The following APC variants were observed in gnomAD, a reference collection of about 807,000 sequenced individuals.
APC encodes the protein adenomatous polyposis coli protein.
APC carries 72 observed loss-of-function variants against 247.0 expected under a neutral mutation model. The ratio of observed to expected loss-of-function variants is 0.29; its 90% CI spans 0.24 to 0.35. The LOEUF is 0.35. APC is among the 10% of genes least tolerant of loss of function. The pLI, the probability that APC is intolerant of heterozygous loss-of-function variation, is 1.00. For missense variants in APC, 3,400 were observed against 3,360.7 expected (o/e 1.01, Z -0.29); for synonymous variants, 1,254 against 1,162.5 (o/e 1.08, Z -1.60).
At chr5:112,719,563 A>G (rs548713778) in intron 1 of APC, among the ~76,000 whole-genome samples, 51 of 145,774 alleles carry the variant, frequency 3.5e-4, no homozygotes, top group African/African-American at 1.0e-3. Context: ...TTTTGGAGAC[A>G]GAGTCTTACT....
chr5:112,750,784 C>T (rs937832144), intron 1 of APC, among the ~76,000 whole-genome samples: 4 of 152,066 alleles, frequency 2.6e-5, no homozygotes, highest in African/African-American at 4.8e-5. Context: ...AGAGGGTGTA[C>T]ACCATTTAAA....
In APC at chr5:112,844,035, A is replaced by G. The variant is rs878853477; in HGVS notation, c.8441A>G (p.Lys2814Arg). The G allele has an allele frequency of 3.7e-6, 6 of 1,602,886 alleles. No homozygotes were observed. The highest frequency in any genetic ancestry group is 5.1e-6 in the Non-Finnish European group (6 of 1,177,098). The change falls in exon 16 of 16, where the codon AAG becomes AGG. Residue 2814 changes from lysine to arginine, a missense_variant. By Grantham distance (26) the Lys-to-Arg change is conservative (BLOSUM62 2). This residue lies in a region of APC where 1,788 missense variants were observed against 1,649.5 expected (regional missense o/e 1.08). Transcript: ENST00000257430. ...CCAACTCCAGTGAATAACAACACAA[A>G]GAAGCGAGATTCCAAAACTGACAGC... ...QIPTPVNNNT[K>R]KRDSKTDSTE...
rs71590728 is a variant in APC at position 112,818,847 on chromosome 5, C to CG, written c.934-111dup. ...TTCCGGTTTTTTGTTTTTTTTTTGG[C>CG]GGGGGGGGTTGTTTTGTTTTTTTAG... is the stretch of plus-strand genomic sequence containing the variant. On this transcript the variant is annotated intron_variant, in intron 9 of 15. Coordinates refer to ENST00000257430, the MANE Select transcript of APC (RefSeq NM_000038.6). 0.35 allele frequency: 230,713 copies of CG among 667,270 alleles called. 52,819 individuals carry two copies. Among genetic ancestry groups the CG allele is most frequent in the East Asian group, 0.62 (15,830 of 25,350 alleles). The allele number at this position is 667,270 out of a possible 1,614,324, so 41.3% of individuals were successfully genotyped here.
chr5:112,835,294 AACT>A (rs1333407695), intron 15 of APC, 129 bp downstream of exon 15: 1 of 808,834 alleles, frequency 1.2e-6, no homozygotes, highest in Non-Finnish European at 2.0e-6. Context: ...GTGAAAAGAT[AACT>A]ACTAACTCTT....
At chr5:112,732,418 C>T (rs1220025440) in intron 1 of APC, among the ~76,000 whole-genome samples, 3 of 152,138 alleles carry the variant, frequency 2.0e-5, no homozygotes, top group African/African-American at 7.2e-5. Context: ...GAAACTTAGT[C>T]CCGTGGCTGC....
At chr5:112,771,830 C>G (rs1757084330) in intron 4 of APC, among the ~76,000 whole-genome samples, 1 of 151,944 alleles carries the variant, frequency 6.6e-6, no homozygotes, top group African/African-American at 2.4e-5. Context: ...TAGTTTATAT[C>G]TTCTTCCTTT....
intron 1 of APC, chr5:112,707,914 C>G (rs1427801912): frequency 3.0e-6 from 4 of 1,338,168 alleles, no homozygotes; most frequent in Non-Finnish European, 2.9e-6. Context: ...GACGTCTCCT[C>G]CCGGCAAAGC....
chr5:112,841,569 C>T lies in APC; in HGVS notation c.5975C>T (p.Pro1992Leu), dbSNP rs1580666303. Residue 1992 changes from proline to leucine, a missense_variant, in exon 16 of 16, where the codon CCC becomes CTC. Transcript: ENST00000257430. This position sits in a 1 kb window ranked among gnomAD's most constrained non-coding sequence, Gnocchi z 4.6. ...KENEPIKETEPPDSQGEPSKP... is the reference protein window; with the variant it reads ...KENEPIKETELPDSQGEPSKP... ...AATGAACCTATCAAAGAGACTGAGC[C>T]CCCTGACTCACAGGGAGAACCAAGT... 1 of 1,613,898 alleles carries T rather than the reference C, an allele frequency of 6.2e-7. No homozygotes were observed. The highest frequency in any genetic ancestry group is 8.5e-7 in the Non-Finnish European group (1 of 1,179,844).
Position 112,840,080 on chromosome 5 carries a change from A to C in APC, c.4486A>C (p.Thr1496Pro). ...DTLLHFATES[T>P]PDGFSCSSSL... ...TTTATTACATTTTGCCACGGAAAGT[A>C]CTCCAGATGGATTTTCTTGTTCATC... Residue 1496 changes from threonine (T) to proline (P), a missense_variant, in exon 16 of 16, where the codon ACT becomes CCT. Around this residue, in one of 9 missense-constraint regions of APC, gnomAD observed 1,788 missense variants for 1,649.5 expected, o/e 1.08. Coordinates refer to ENST00000257430, the MANE Select transcript of APC (RefSeq NM_000038.6). The surrounding 1 kb of genome is among the most constrained non-coding windows in gnomAD (Gnocchi z 4.1). 1 of 1,614,120 alleles carries C rather than the reference A, an allele frequency of 6.2e-7. No individual in the cohort carries two copies. The highest frequency in any genetic ancestry group is 8.5e-7 in the Non-Finnish European group (1 of 1,180,014).
chr5:112,793,613 G>A (rs549450929), intron 7 of APC, among the ~76,000 whole-genome samples: 2 of 152,202 alleles, frequency 1.3e-5, no homozygotes, highest in Admixed American at 6.5e-5. Flanking sequence ...TAGATAGCCC[G>A]CTCTTAAATA....
intron 1 of APC, among the ~76,000 whole-genome samples, chr5:112,743,402 A>G (rs1753266799): frequency 6.7e-6 from 1 of 148,764 alleles, no homozygotes; most frequent in African/African-American, 2.5e-5. Flanking sequence ...ATACACAGGC[A>G]TACTCATCTG....
chr5:112,748,068 A>T (rs1204549488), intron 1 of APC, among the ~76,000 whole-genome samples: 1 of 152,138 alleles, frequency 6.6e-6, no homozygotes, highest in Admixed American at 6.5e-5. Flanking sequence ...GCCTTATAAT[A>T]TTTATTATCT....
intron 11 of APC, among the ~76,000 whole-genome samples, chr5:112,825,544 C>T (rs1763560272): frequency 1.3e-5 from 2 of 152,268 alleles, no homozygotes; most frequent in African/African-American, 4.8e-5. Flanking sequence ...CTTCCTGCCC[C>T]ACCCTTGTTA....
In APC at chr5:112,781,168, C is replaced by T. The variant is rs531794140; in HGVS notation, c.645+265C>T. ...GAGACAGAGTTAGATGGTGGTCTTC[C>T]GGTAGCTAATGACTAGCTTCAGTTC... On this transcript the variant is annotated intron_variant, in intron 6 of 15. Transcript: ENST00000257430. Among the ~76,000 whole-genome samples the T allele has an allele frequency of 1.2e-3, 188 of 152,240 alleles. 2 individuals carry two copies. Among genetic ancestry groups the T allele is most frequent in the African/African-American group, 3.6e-3 (149 of 41,546 alleles).
intron 5 of APC, among the ~76,000 whole-genome samples, chr5:112,775,976 G>T (rs1256247517): frequency 6.6e-6 from 1 of 152,254 alleles, no homozygotes; most frequent in Non-Finnish European, 1.5e-5. Flanking sequence ...AATCTATAAA[G>T]TTTGAATTCT....
intron 1 of APC, among the ~76,000 whole-genome samples, chr5:112,712,637 A>G (rs1289627327): frequency 6.7e-6 from 1 of 148,406 alleles, no homozygotes; most frequent in Non-Finnish European, 1.5e-5. Context: ...CAAGTGATCC[A>G]CCTGGGATTC....
intron 1 of APC, among the ~76,000 whole-genome samples, chr5:112,716,772 A>G (rs1374928084): frequency 6.6e-6 from 1 of 152,244 alleles, no homozygotes; most frequent in African/African-American, 2.4e-5. Context: ...ACTCAACATT[A>G]TCAAGTTTCC....
chr5:112,737,209 C>G (rs776625948), upstream of APC, among the ~76,000 whole-genome samples: 20 of 152,270 alleles, frequency 1.3e-4, no homozygotes, highest in Non-Finnish European at 2.4e-4. Context: ...ATTAACTCCT[C>G]TATTCTGTAC....
intron 2 of APC, among the ~76,000 whole-genome samples, chr5:112,763,959 C>T (rs1036570112): frequency 2.0e-5 from 3 of 152,004 alleles, no homozygotes; most frequent in Non-Finnish European, 4.4e-5. Flanking sequence ...CCTGATCGGC[C>T]GGGCGCGGTG....
Sources: allele counts gnomAD v4.1 joint callset (sites outside exome capture counted in the v4.1 genomes callset), GRCh38; gene constraint gnomAD v4.1.1; regional missense constraint gnomAD v4.1.1; non-coding constraint Gnocchi (gnomAD v3.1); transcripts MANE v1.5; gene names NCBI Gene and HGNC (gene_info 2026-07-23, HGNC 2026-07-21).